Variants in NRXN3 observed in about 807,000 individuals in gnomAD.
The protein encoded by NRXN3 is neurexin III.
NRXN3 carries 32 observed loss-of-function variants against 137.6 expected under a neutral mutation model. The observed-to-expected ratio is 0.23, with a 90% confidence interval of 0.18 to 0.31. NRXN3 has a LOEUF of 0.31. Ranked by LOEUF, NRXN3 falls within the 10% of genes least tolerant of loss-of-function variation. The pLI, the probability that NRXN3 is intolerant of heterozygous loss-of-function variation, is 1.00. For synonymous variants in NRXN3, 798 were observed against 784.5 expected, an observed-to-expected ratio of 1.02 and a Z score of -0.29; for missense variants, 1,574 against 2,062.5, an observed-to-expected ratio of 0.76 and a Z score of 4.59.
intron 16 of NRXN3, among the ~76,000 whole-genome samples, chr14:79,495,264 C>T (rs971487612): frequency 7.2e-5 from 11 of 152,174 alleles, no homozygotes; most frequent in Non-Finnish European, 1.5e-4. Context: ...GCACCACTTC[C>T]ACTTCAAAGG....
At chr14:79,307,931 A>T (rs916297204) in intron 15 of NRXN3, among the ~76,000 whole-genome samples, 70 of 152,048 alleles carry the variant, frequency 4.6e-4, no homozygotes, top group African/African-American at 1.6e-3. Flanking sequence ...GTGGAAACTA[A>T]AAGTCCGAGA....
At chr14:79,003,457 T>A (rs1311718409) in intron 15 of NRXN3, among the ~76,000 whole-genome samples, 3 of 152,208 alleles carry the variant, frequency 2.0e-5, no homozygotes, top group African/African-American at 7.2e-5. Flanking sequence ...AATTTCACAG[T>A]CACTGCTCCC....
intron 17 of NRXN3, among the ~76,000 whole-genome samples, chr14:79,675,285 T>C (rs924794500): frequency 2.6e-5 from 4 of 152,056 alleles, no homozygotes; most frequent in African/African-American, 9.6e-5. Flanking sequence ...TTAACTTCAA[T>C]ATTTTATTAA....
chr14:78,418,742 A>G (rs2153672724), intron 4 of NRXN3, among the ~76,000 whole-genome samples: 1 of 152,362 alleles, frequency 6.6e-6, no homozygotes, highest in South Asian at 2.1e-4. Context: ...ATTAATAATA[A>G]TGATGTACAT....
intron 8 of NRXN3, among the ~76,000 whole-genome samples, chr14:78,778,067 T>C (rs2153016348): frequency 6.6e-6 from 1 of 152,198 alleles, no homozygotes; most frequent in South Asian, 2.1e-4. Context: ...CCAGCTGAGG[T>C]TGAAGGGATT....
At chr14:79,073,066 T>TGA (rs2099690218) in intron 15 of NRXN3, among the ~76,000 whole-genome samples, 1 of 152,148 alleles carries the variant, frequency 6.6e-6, no homozygotes. Context: ...TTTGTATTTT[T>TGA]AGTACAGACA....
At chr14:79,343,330 A>G (rs2092706753) in intron 15 of NRXN3, among the ~76,000 whole-genome samples, 1 of 152,150 alleles carries the variant, frequency 6.6e-6, no homozygotes, top group Admixed American at 6.5e-5. Flanking sequence ...TAAAGTATAA[A>G]CTAAGTTTCT....
At chr14:78,705,318 G>C (rs1242921219) in intron 6 of NRXN3, among the ~76,000 whole-genome samples, 1 of 152,184 alleles carries the variant, frequency 6.6e-6, no homozygotes, top group East Asian at 1.9e-4. Flanking sequence ...GCCTTGTAAG[G>C]GGGTCCAGCA....
rs1603429959 is a variant in NRXN3, at chr14:79,688,241, A to G, written c.3617-3932A>G. Reference sequence around the variant, plus strand: ...TCCCTATTATTCTATACTAAGTCCTATGGTAAATTGAGAAATGGGGAAACT... The same window carrying G: ...TCCCTATTATTCTATACTAAGTCCTGTGGTAAATTGAGAAATGGGGAAACT... On this transcript the variant is annotated intron_variant, in intron 17 of 20. Transcript: ENST00000335750. Among the ~76,000 whole-genome samples the G allele has an allele frequency of 6.6e-5, 10 of 152,278 alleles. 4 individuals carry two copies. The highest frequency in any genetic ancestry group is 6.5e-4 in the Admixed American group (10 of 15,288).
intron 10 of NRXN3, among the ~76,000 whole-genome samples, chr14:78,910,909 G>T (rs2099235493): frequency 1.3e-5 from 2 of 151,998 alleles, no homozygotes; most frequent in South Asian, 4.2e-4. Flanking sequence ...TTTTTAACTT[G>T]CTCTCCTCCA....
At chr14:78,278,918 G>C (rs2074003046) in intron 3 of NRXN3, among the ~76,000 whole-genome samples, 1 of 152,192 alleles carries the variant, frequency 6.6e-6, no homozygotes, top group East Asian at 1.9e-4. Flanking sequence ...GGGTGATTCA[G>C]AAAATGAACA....
rs150771887 is a variant in NRXN3, at chr14:78,310,094, A to T, written c.757+12234A>T. On this transcript the variant is annotated intron_variant, in intron 4 of 20. Transcript: ENST00000335750. ...AGTGAGCATAAACAATACTTCTGAG[A>T]ATGGCTGCTTAACTCTAGGAAGAGC... Among the ~76,000 whole-genome samples, 17 of 152,206 alleles carry T rather than the reference A, an allele frequency of 1.1e-4. No homozygotes were observed. The East Asian group carries it at 2.9e-3, about 26-fold the overall frequency.
chr14:79,318,378 G>C (rs1001191434), intron 15 of NRXN3, among the ~76,000 whole-genome samples: 1 of 152,150 alleles, frequency 6.6e-6, no homozygotes, highest in Non-Finnish European at 1.5e-5. Context: ...TTGGATGCTG[G>C]GTCCTGACCC....
intron 4 of NRXN3, among the ~76,000 whole-genome samples, chr14:78,489,351 C>A (rs770864776): frequency 6.6e-6 from 1 of 152,194 alleles, no homozygotes. Flanking sequence ...GTCCTCCTTG[C>A]CAAAGTGGTT....
At chr14:78,988,407 A>G (rs1249167068) in intron 15 of NRXN3, 4 of 425,446 alleles carry the variant, frequency 9.4e-6, no homozygotes, top group South Asian at 2.4e-5. Context: ...CAATAACCAC[A>G]GCAGCAAACC....
At chr14:79,379,913 A>G (rs1182871783) in intron 15 of NRXN3, among the ~76,000 whole-genome samples, 1 of 152,060 alleles carries the variant, frequency 6.6e-6, no homozygotes. Context: ...TAGTAACACA[A>G]TATACGAAGT....
At chr14:78,402,753 AT>A (rs999262809) in intron 4 of NRXN3, among the ~76,000 whole-genome samples, 1 of 152,220 alleles carries the variant, frequency 6.6e-6, no homozygotes, top group African/African-American at 2.4e-5. Flanking sequence ...ACCTGTGCTC[AT>A]TTCTAAAATG....
chr14:78,436,593 A>G (rs2094074339), intron 4 of NRXN3, among the ~76,000 whole-genome samples: 1 of 152,258 alleles, frequency 6.6e-6, no homozygotes, highest in African/African-American at 2.4e-5. Flanking sequence ...CAAGGAAGCC[A>G]CCACCCACAT....
At chr14:78,849,571 G>T (rs757751632) in intron 10 of NRXN3, among the ~76,000 whole-genome samples, 1 of 152,092 alleles carries the variant, frequency 6.6e-6, no homozygotes, top group African/African-American at 2.4e-5. Context: ...TACATCTTAC[G>T]CTAAAAATGT....
Sources: gnomAD v4.1 joint callset for allele counts (sites outside exome capture counted in the v4.1 genomes callset) on GRCh38, gnomAD v4.1.1 for gene constraint, MANE v1.5 for transcripts, NCBI Gene and HGNC (gene_info 2026-07-23, HGNC 2026-07-21) for gene names.